The following COLQ variants were observed in gnomAD, a reference collection of about 807,000 sequenced individuals.
COLQ encodes the protein collagen like tail subunit of asymmetric acetylcholinesterase, also known as acetylcholinesterase collagenic tail peptide.
A neutral mutation model predicts 69.0 loss-of-function variants in COLQ; 48 were observed. The ratio of observed to expected loss-of-function variants is 0.70; its 90% CI spans 0.55 to 0.88. COLQ has a LOEUF of 0.88. Among genes scored for constraint, COLQ ranks in the 40% least tolerant of loss-of-function variants. The pLI is 0.00. For synonymous variants in COLQ, 217 were observed against 211.2 expected (o/e 1.03, Z -0.24); for missense variants, 618 against 594.6 (o/e 1.04, Z -0.41).
chr3:15,485,061 G>C (rs567877974), intron 3 of COLQ, among the ~76,000 whole-genome samples: 37 of 152,316 alleles, frequency 2.4e-4, no homozygotes, highest in African/African-American at 8.7e-4. Context: ...TGATGGTGAT[G>C]TACAGATGGG....
In COLQ at chr3:15,473,026, A is replaced by AT. The variant is rs66861967; in HGVS notation, c.636+973dup. 0.028 allele frequency among the ~76,000 whole-genome samples: 4,095 copies of AT among 144,000 alleles called. 159 individuals carry two copies. The highest frequency in any genetic ancestry group is 0.094 in the African/African-American group (3,726 of 39,470). The allele number at this position is 144,000 out of a possible 152,430, so 94.5% of individuals were successfully genotyped here. ...AGGCATGTGCCACCATGACCTGCTAATTTTTTTTTTTTTAGAGATGAGATA... is the reference window on the plus strand; with the variant it reads ...AGGCATGTGCCACCATGACCTGCTAATTTTTTTTTTTTTTAGAGATGAGATA... On this transcript the variant is annotated intron_variant, in intron 10 of 16. Coordinates refer to ENST00000383788, the MANE Select transcript of COLQ (RefSeq NM_005677.4). This position sits in a 1 kb window ranked among gnomAD's most constrained non-coding sequence, Gnocchi z 4.0.
At chr3:15,492,038 C>G (rs996291055) in intron 1 of COLQ, among the ~76,000 whole-genome samples, 5 of 146,088 alleles carry the variant, frequency 3.4e-5, no homozygotes, top group African/African-American at 1.3e-4. Context: ...AACCTGGCAA[C>G]AGAGTGAGAC....
At chr3:15,467,095 G>C (rs996882464) in intron 11 of COLQ, among the ~76,000 whole-genome samples, 1 of 152,200 alleles carries the variant, frequency 6.6e-6, no homozygotes, top group Non-Finnish European at 1.5e-5. Context: ...ATAGCATATG[G>C]ATTATTTGTG....
chr3:15,512,883 G>GCTAAGGGAACA (rs1268541613), intron 1 of COLQ, among the ~76,000 whole-genome samples: 1 of 152,204 alleles, frequency 6.6e-6, no homozygotes, highest in African/African-American at 2.4e-5. Context: ...AGGTCACAAA[G>GCTAAGGGAACA]CTAAGGGAAC....
intron 15 of COLQ, among the ~76,000 whole-genome samples, chr3:15,454,177 G>A (rs1286727560): frequency 6.6e-6 from 1 of 152,174 alleles, no homozygotes; most frequent in Non-Finnish European, 1.5e-5. Context: ...TAGCTGAGGG[G>A]TGGGGAGACT....
At chr3:15,512,649 T>C (rs976218924) in intron 1 of COLQ, among the ~76,000 whole-genome samples, 1 of 152,186 alleles carries the variant, frequency 6.6e-6, no homozygotes, top group South Asian at 2.1e-4. Flanking sequence ...CAATTAATTA[T>C]GGAAAAAGAT....
chr3:15,509,679 C>A (rs2062957581), intron 1 of COLQ, among the ~76,000 whole-genome samples: 3 of 152,210 alleles, frequency 2.0e-5, no homozygotes, highest in African/African-American at 4.8e-5. Flanking sequence ...CTCCTTGGAT[C>A]CTTGCAATGA....
intron 3 of COLQ, among the ~76,000 whole-genome samples, chr3:15,487,425 C>T (rs74643634): frequency 0.03 from 4,526 of 152,278 alleles, 90 homozygotes; most frequent in Middle Eastern, 0.051. Context: ...AGATACAGGC[C>T]GGAGTCCCCT....
chr3:15,457,033 G>C (rs1472032687), intron 13 of COLQ, among the ~76,000 whole-genome samples: 1 of 152,068 alleles, frequency 6.6e-6, no homozygotes, highest in East Asian at 1.9e-4. Context: ...ATGTTGGCCA[G>C]GCTGGTTGCG....
intron 1 of COLQ, among the ~76,000 whole-genome samples, chr3:15,504,705 C>CA (rs1380980414): frequency 6.6e-6 from 1 of 152,092 alleles, no homozygotes; most frequent in Non-Finnish European, 1.5e-5. Context: ...CTAAAAAATA[C>CA]AAAAATTAGC....
At chr3:15,520,480 G>A (rs2063121379) in intron 1 of COLQ, among the ~76,000 whole-genome samples, 1 of 152,218 alleles carries the variant, frequency 6.6e-6, no homozygotes, top group African/African-American at 2.4e-5. Context: ...TGAGAGCCTG[G>A]CATTTCTGGC....
chr3:15,494,412 T>C (rs79803475), intron 1 of COLQ, among the ~76,000 whole-genome samples: 6,196 of 152,090 alleles, frequency 0.041, 292 homozygotes, highest in Admixed American at 0.14. Flanking sequence ...AGTTGCAGGG[T>C]ACCCAGGGCA....
intron 1 of COLQ, among the ~76,000 whole-genome samples, chr3:15,520,256 G>A (rs984469854): frequency 2.0e-5 from 3 of 152,202 alleles, no homozygotes; most frequent in Admixed American, 1.3e-4. Flanking sequence ...ACACACCCAC[G>A]GTGACACCAC....
chr3:15,469,869 C>A (rs2062253442), intron 11 of COLQ, among the ~76,000 whole-genome samples: 1 of 152,132 alleles, frequency 6.6e-6, no homozygotes, highest in African/African-American at 2.4e-5. Flanking sequence ...TTGTGGGCCA[C>A]AGATATAGCC....
intron 3 of COLQ, 23 bp downstream of exon 3, chr3:15,488,183 G>A: frequency 6.4e-7 from 1 of 1,561,080 alleles, no homozygotes; most frequent in African/African-American, 1.4e-5. Context: ...GACAGCGAGA[G>A]GGGTCCGGTA....
intron 5 of COLQ, among the ~76,000 whole-genome samples, chr3:15,478,051 A>T (rs924222501): frequency 2.6e-5 from 4 of 152,238 alleles, no homozygotes; most frequent in African/African-American, 9.6e-5. Flanking sequence ...CCCCTAAACC[A>T]GATATACCAA....
intron 1 of COLQ, among the ~76,000 whole-genome samples, chr3:15,519,136 T>G (rs573187869): frequency 6.6e-6 from 1 of 151,716 alleles, no homozygotes; most frequent in African/African-American, 2.4e-5. Flanking sequence ...AGAAAACATA[T>G]CTTTGTGATA....
intron 1 of COLQ, among the ~76,000 whole-genome samples, chr3:15,499,992 G>T (rs913590229): frequency 3.3e-5 from 5 of 152,222 alleles, no homozygotes; most frequent in Non-Finnish European, 5.9e-5. Flanking sequence ...GATAACTGTT[G>T]TATAAGGTAA....
At chr3:15,496,642 A>C (rs1363011849) in intron 1 of COLQ, among the ~76,000 whole-genome samples, 1 of 152,220 alleles carries the variant, frequency 6.6e-6, no homozygotes, top group Non-Finnish European at 1.5e-5. Flanking sequence ...GCCAACCATC[A>C]CGGAACTTCA....
Sources: allele counts gnomAD v4.1 joint callset (sites outside exome capture counted in the v4.1 genomes callset), GRCh38; gene constraint gnomAD v4.1.1; non-coding constraint Gnocchi (gnomAD v3.1); transcripts MANE v1.5; gene names NCBI Gene and HGNC (gene_info 2026-07-23, HGNC 2026-07-21).